CHGB: variants seen among roughly 807,000 people sequenced by gnomAD.
The protein encoded by CHGB is secretogranin-1.
CHGB carries 46 observed loss-of-function variants against 69.9 expected under a neutral mutation model. The ratio of observed to expected loss-of-function variants is 0.66; its 90% CI spans 0.52 to 0.84. The LOEUF (loss-of-function observed/expected upper bound fraction) is 0.84. Among genes scored for constraint, CHGB ranks in the 40% least tolerant of loss-of-function variants. CHGB has a pLI of 0.00. For missense variants in CHGB, 796 were observed against 822.2 expected, an observed-to-expected ratio of 0.97 and a Z score of 0.39; for synonymous variants, 312 against 298.2, an observed-to-expected ratio of 1.05 and a Z score of -0.48.
chr20:5,921,170 TC>T (rs2122574760), intron 3 of CHGB, among the ~76,000 whole-genome samples: 1 of 152,336 alleles, frequency 6.6e-6, no homozygotes, highest in African/African-American at 2.4e-5. Context: ...ATATATATTA[TC>T]CAATACATCC....
intron 1 of CHGB, 185 bp from the exon 2 acceptor site, chr20:5,916,141 G>T: frequency 1.7e-6 from 1 of 600,648 alleles, no homozygotes; most frequent in Non-Finnish European, 3.0e-6. Flanking sequence ...TTCCCCAGAA[G>T]TCCCCTCCTT....
At chr20:5,919,770 C>G (rs1445921736) in intron 3 of CHGB, among the ~76,000 whole-genome samples, 1 of 152,166 alleles carries the variant, frequency 6.6e-6, no homozygotes, top group Non-Finnish European at 1.5e-5. Flanking sequence ...ACTGGTGGAG[C>G]TTTTGCCCAA....
chr20:5,916,454 A>C, intron 2 of CHGB, 82 bp downstream of exon 2: 4 of 1,158,232 alleles, frequency 3.5e-6, no homozygotes, highest in Non-Finnish European at 5.1e-6. Context: ...CAAACCAAAC[A>C]CACGCATGAC....
In CHGB at chr20:5,911,533, G is replaced by A. The variant is rs528375343; in HGVS notation, c.-101G>A. Reference sequence around the variant, plus strand: ...CCACACCGCGGGGACCAGGAGGCACGCTGGTTTTCCGGGGCCGCTCCATCG... The same window carrying A: ...CCACACCGCGGGGACCAGGAGGCACACTGGTTTTCCGGGGCCGCTCCATCG... On this transcript the variant is annotated 5_prime_UTR_variant, in exon 1 of 5. Transcript: ENST00000378961. The A allele has an allele frequency of 2.1e-5, 27 of 1,285,336 alleles. No homozygotes were observed. Among genetic ancestry groups the A allele is most frequent in the Non-Finnish European group, 2.9e-5 (27 of 935,620 alleles). The allele number at this position is 1,285,336 out of a possible 1,614,324, so 79.6% of individuals were successfully genotyped here.
At chr20:5,924,314 C>T (rs2088537304) in intron 4 of CHGB, among the ~76,000 whole-genome samples, 1 of 152,182 alleles carries the variant, frequency 6.6e-6, no homozygotes, top group Admixed American at 6.5e-5. Context: ...GGTTGCATTG[C>T]TTCTCAACCT....
chr20:5,918,192 G>A (rs991985561), intron 3 of CHGB, among the ~76,000 whole-genome samples: 17 of 144,524 alleles, frequency 1.2e-4, no homozygotes, highest in African/African-American at 4.4e-4. Flanking sequence ...CACCAGCCTG[G>A]CCAATATGGT....
At chr20:5,913,167 TAGC>T (rs2088455833) in intron 1 of CHGB, among the ~76,000 whole-genome samples, 1 of 152,236 alleles carries the variant, frequency 6.6e-6, no homozygotes, top group Admixed American at 6.5e-5. Context: ...TATATTTTAA[TAGC>T]AGCTAAAATG....
intron 3 of CHGB, among the ~76,000 whole-genome samples, chr20:5,918,935 G>T (rs2088496773): frequency 6.6e-6 from 1 of 151,220 alleles, no homozygotes; most frequent in Non-Finnish European, 1.5e-5. Flanking sequence ...AGAAACAGTG[G>T]ATGGAAGCTT....
At position 5,923,126 on chromosome 20, in the gene CHGB, C is replaced by G. The variant is rs748047316; in HGVS notation, c.982C>G (p.His328Asp). Residue 328 changes from histidine (H) to aspartate (D), a missense_variant, in exon 4 of 5, where the codon CAT becomes GAT. By Grantham distance (81) the His-to-Asp change is moderately conservative. Coordinates refer to ENST00000378961, the MANE Select transcript of CHGB (RefSeq NM_001819.3). ...CAGTTTAGGGGAAAAGAGGGACCAC[C>G]ATTCAACCCACTACAGGGCTTCAGA... is the stretch of plus-strand genomic sequence containing the variant. ...MASLGEKRDH[H>D]STHYRASEEE... 5 of 1,614,136 alleles carry G rather than the reference C, an allele frequency of 3.1e-6. No individual in the cohort carries two copies. The South Asian group carries it at 4.4e-5, about 14-fold the overall frequency.
In CHGB at chr20:5,922,725, C is replaced by A; in HGVS notation, c.581C>A (p.Thr194Lys). 10 of 1,614,110 alleles carry A rather than the reference C, an allele frequency of 6.2e-6. No individual in the cohort carries two copies. Among genetic ancestry groups the A allele is most frequent in the Non-Finnish European group, 8.5e-6 (10 of 1,180,022 alleles). The change falls in exon 4 of 5, where the codon ACA becomes AAA. Residue 194 changes from threonine (T) to lysine (K), a missense_variant. Physicochemically the swap from Thr to Lys is moderately conservative, Grantham distance 78. Transcript: ENST00000378961. ...AAACACCTTGAAGAGCCAGGAGAGA[C>A]ACAAAACGCTTTTCTCAATGAAAGA... ...EEKHLEEPGE[T>K]QNAFLNERKQ...
chr20:5,916,174 A>C, intron 1 of CHGB, 152 bp from the exon 2 acceptor site: 2 of 640,770 alleles, frequency 3.1e-6, no homozygotes, highest in Non-Finnish European at 2.8e-6. Flanking sequence ...GATTTGATTT[A>C]TACCGGATCT....
chr20:5,916,669 GA>G lies in CHGB; in HGVS notation c.97-156del, dbSNP rs372641112. On this transcript the variant is annotated intron_variant, in intron 2 of 4. Coordinates refer to ENST00000378961, the MANE Select transcript of CHGB (RefSeq NM_001819.3). ...CATTATTCTGTGTAGAAGTTTGGAA[GA>G]TTTCATTCTGTTCCTGTAAATCTGT... Among the ~76,000 whole-genome samples the G allele has an allele frequency of 1.1e-3, 166 of 152,284 alleles. 1 individual carries two copies. The highest frequency in any genetic ancestry group is 0.011 in the South Asian group (51 of 4,824).
At chr20:5,918,292 G>A (rs2088490879) in intron 3 of CHGB, among the ~76,000 whole-genome samples, 1 of 152,018 alleles carries the variant, frequency 6.6e-6, no homozygotes, top group African/African-American at 2.4e-5. Flanking sequence ...TGAGGCAGGA[G>A]AATCGCTAGA....
intron 3 of CHGB, among the ~76,000 whole-genome samples, chr20:5,920,102 A>G (rs528509441): frequency 5.3e-5 from 8 of 152,328 alleles, no homozygotes; most frequent in Non-Finnish European, 8.8e-5. Flanking sequence ...GTGTGCTGCT[A>G]TCACAGCCTC....
In CHGB at chr20:5,923,286, G is replaced by T. The variant is rs142841879; in HGVS notation, c.1142G>T (p.Trp381Leu). The change falls in exon 4 of 5, where the codon TGG (tryptophan) becomes TTG (leucine). Residue 381 changes from tryptophan to leucine, a missense_variant. Physicochemically the swap from Trp to Leu is moderately conservative, Grantham distance 61. This residue lies in a region of CHGB where 518 missense variants were observed against 506.3 expected (regional missense o/e 1.02). Coordinates refer to ENST00000378961, the MANE Select transcript of CHGB (RefSeq NM_001819.3). ...RAPRPQSEES[W>L]DEEDKRNYPS... is the part of the protein sequence containing the mutation. ...CCAAGACCTCAGAGTGAGGAGAGTT[G>T]GGATGAGGAGGACAAGAGAAACTAC... 7,156 of 1,613,524 alleles carry T rather than the reference G, an allele frequency of 4.4e-3. 44 individuals carry two copies. Among genetic ancestry groups the T allele is most frequent in the Middle Eastern group, 6.1e-3 (37 of 6,062 alleles).
chr20:5,913,582 T>C (rs1271217661), intron 1 of CHGB, among the ~76,000 whole-genome samples: 1 of 152,036 alleles, frequency 6.6e-6, no homozygotes, highest in Non-Finnish European at 1.5e-5. Flanking sequence ...CATATTATTC[T>C]AGGTAAAATG....
intron 1 of CHGB, among the ~76,000 whole-genome samples, chr20:5,914,030 A>G (rs914436086): frequency 1.3e-5 from 2 of 152,216 alleles, no homozygotes; most frequent in African/African-American, 4.8e-5. Context: ...ATATTAATAC[A>G]TCAGAAGTTG....
rs917644630 is a variant in CHGB, at chr20:5,916,830, C to T, written c.101C>T (p.Thr34Ile). The T allele has an allele frequency of 1.8e-5, 29 of 1,614,188 alleles. No individual in the cohort carries two copies. The highest frequency in any genetic ancestry group is 2.5e-5 in the Non-Finnish European group (29 of 1,180,008). The change falls in exon 3 of 5, where the codon ACT (threonine) becomes ATT (isoleucine). Residue 34 changes from threonine to isoleucine, a missense_variant. By Grantham distance (89) the Thr-to-Ile change is moderately conservative. Transcript: ENST00000378961. ...DNRNHNEGMV[T>I]RCIIEVLSNA... Reference sequence around the variant, plus strand: ...TGCTTTCGGGTTTCCCCCCAGGTGACTCGCTGCATCATTGAGGTCCTCTCA... The same window carrying T: ...TGCTTTCGGGTTTCCCCCCAGGTGATTCGCTGCATCATTGAGGTCCTCTCA...
rs927255241 is a variant in CHGB, at chr20:5,920,950, A to T, written c.191-1385A>T. Reference sequence around the variant, plus strand: ...CTTGGACATTTTTACAAAATAAATAATTTTTTTCCATTTTGCAAATATCAT... The same window carrying T: ...CTTGGACATTTTTACAAAATAAATATTTTTTTTCCATTTTGCAAATATCAT... On this transcript the variant is annotated intron_variant, in intron 3 of 4. Transcript: ENST00000378961. Among the ~76,000 whole-genome samples the T allele has an allele frequency of 7.2e-5, 11 of 152,292 alleles. No individual in the cohort carries two copies. In the East Asian group the frequency reaches 2.1e-3, roughly 29 times the overall value.
Sources: allele counts gnomAD v4.1 joint callset (sites outside exome capture counted in the v4.1 genomes callset), GRCh38; gene constraint gnomAD v4.1.1; regional missense constraint gnomAD v4.1.1; transcripts MANE v1.5; gene names NCBI Gene and HGNC (gene_info 2026-07-23, HGNC 2026-07-21).